TNKS: variants seen among roughly 807,000 people sequenced by gnomAD.
TNKS encodes tankyrase, also known as poly [ADP-ribose] polymerase tankyrase-1.
Under a neutral mutation model 135.8 loss-of-function variants are expected in TNKS, and 72 were observed. The ratio of observed to expected loss-of-function variants is 0.53; its 90% CI spans 0.44 to 0.64. TNKS has a LOEUF of 0.64. Ranked by LOEUF, TNKS falls within the 30% of genes least tolerant of loss-of-function variation. The probability of loss-of-function intolerance (pLI) is 0.00; values close to 1 mark genes in which losing one functional copy is unlikely to be tolerated. For missense variants in TNKS, 1,769 were observed against 1,674.0 expected (o/e 1.06, Z -0.99); for synonymous variants, 849 against 649.3 (o/e 1.31, Z -4.68).
chr8:9,774,643 T>G (rs933772525), intron 26 of TNKS, among the ~76,000 whole-genome samples: 1 of 152,162 alleles, frequency 6.6e-6, no homozygotes, highest in African/African-American at 2.4e-5. Context: ...GATTAATTAG[T>G]AACTTAAAGG....
At chr8:9,614,851 C>T (rs1799581225) in intron 2 of TNKS, among the ~76,000 whole-genome samples, 1 of 152,148 alleles carries the variant, frequency 6.6e-6, no homozygotes, top group South Asian at 2.1e-4. Context: ...TTTACTTAAA[C>T]AGTGATTTTT....
rs553943677 is a variant in TNKS, at chr8:9,721,609, A to G, written c.1921+1064A>G. Among the ~76,000 whole-genome samples, 23 of 151,144 alleles carry G rather than the reference A, an allele frequency of 1.5e-4. No individual in the cohort carries two copies. The East Asian group carries it at 2.0e-3, about 13-fold the overall frequency. On this transcript the variant is annotated intron_variant, in intron 12 of 26. Coordinates refer to ENST00000310430, the MANE Select transcript of TNKS (RefSeq NM_003747.3). The stretch of plus-strand genomic sequence containing the variant: ...TCAGAAGTCCTGGTTACTTTTTTCT[A>G]CCTACAGTCTGGTAGTTCTTAACTC...
chr8:9,589,700 T>G (rs1410355430), intron 2 of TNKS, among the ~76,000 whole-genome samples: 1 of 152,220 alleles, frequency 6.6e-6, no homozygotes, highest in African/African-American at 2.4e-5. Flanking sequence ...GAGAGTAAAT[T>G]GATATAGCGG....
chr8:9,683,259 C>T (rs1241137034), intron 5 of TNKS, among the ~76,000 whole-genome samples: 1 of 151,866 alleles, frequency 6.6e-6, no homozygotes, highest in Non-Finnish European at 1.5e-5. Flanking sequence ...TTATTTTCTT[C>T]CTGTTGTTAT....
chr8:9,572,853 C>G (rs1032288704), intron 1 of TNKS, among the ~76,000 whole-genome samples: 2 of 152,168 alleles, frequency 1.3e-5, no homozygotes, highest in African/African-American at 4.8e-5. Flanking sequence ...AATGGCAAGT[C>G]TGTTGGCCGG....
At chr8:9,713,346 T>G (rs865993536) in intron 11 of TNKS, among the ~76,000 whole-genome samples, 5 of 152,204 alleles carry the variant, frequency 3.3e-5, no homozygotes, top group African/African-American at 1.2e-4. Context: ...CTTGAAAAAT[T>G]AGGAATAATG....
chr8:9,654,359 G>C (rs34465863), intron 3 of TNKS, among the ~76,000 whole-genome samples: 65 of 129,440 alleles, frequency 5.0e-4, no homozygotes, highest in African/African-American at 1.8e-3. Flanking sequence ...ACTAAAAATC[G>C]AGTGTTTCTT....
In TNKS at chr8:9,720,446, C is replaced by T. The variant is rs1383232871; in HGVS notation, c.1822C>T (p.Arg608Cys). The T allele has an allele frequency of 6.2e-6, 10 of 1,613,988 alleles. No homozygotes were observed. Among genetic ancestry groups the T allele is most frequent in the African/African-American group, 1.3e-5 (1 of 74,922 alleles). The change falls in exon 12 of 27, where the codon CGC becomes TGC. Residue 608 changes from arginine to cysteine, a missense_variant. Arg to Cys is a radical substitution (Grantham distance 180, BLOSUM62 -3). Coordinates refer to ENST00000310430, the MANE Select transcript of TNKS (RefSeq NM_003747.3). ...CCTAGCAGGTCACCTGCAGACCTGCCGCCTCCTGCTGAGTTACGGCTCTGA... is the reference window on the plus strand; with the variant it reads ...CCTAGCAGGTCACCTGCAGACCTGCTGCCTCCTGCTGAGTTACGGCTCTGA... Reference protein sequence around the residue: ...AALAGHLQTCRLLLSYGSDPS... With the variant: ...AALAGHLQTCCLLLSYGSDPS...
At chr8:9,757,175 C>G (rs546848718) in intron 20 of TNKS, among the ~76,000 whole-genome samples, 9 of 152,210 alleles carry the variant, frequency 5.9e-5, no homozygotes, top group Admixed American at 2.0e-4. Context: ...TGGGGTTTCA[C>G]CATGTTGGTC....
intron 17 of TNKS, 142 bp downstream of exon 17, chr8:9,735,628 G>C (rs4841210): frequency 0.73 from 457,516 of 626,554 alleles, 168,672 homozygotes; most frequent in Admixed American, 0.83. Context: ...GTGAAACCCC[G>C]TCTCTACTAA....
At chr8:9,673,145 T>C (rs1197375660) in intron 3 of TNKS, among the ~76,000 whole-genome samples, 1 of 152,108 alleles carries the variant, frequency 6.6e-6, no homozygotes, top group Admixed American at 6.5e-5. Flanking sequence ...CAAGTACAAA[T>C]GATTGGAAAC....
intron 5 of TNKS, among the ~76,000 whole-genome samples, chr8:9,695,842 G>A (rs1004119387): frequency 4.6e-5 from 7 of 152,194 alleles, no homozygotes; most frequent in African/African-American, 1.7e-4. Flanking sequence ...AGATGGGAAT[G>A]AAGAAAGACT....
intron 26 of TNKS, among the ~76,000 whole-genome samples, chr8:9,774,906 A>AGT (rs138769465): frequency 0.01 from 1,547 of 152,296 alleles, 24 homozygotes; most frequent in African/African-American, 0.036. Flanking sequence ...GATAAAAGGA[A>AGT]GTAGGGGTGG....
At chr8:9,765,523 A>G (rs1241152211) in intron 23 of TNKS, among the ~76,000 whole-genome samples, 169 bp from the exon 24 acceptor site, 4 of 152,184 alleles carry the variant, frequency 2.6e-5, no homozygotes, top group Non-Finnish European at 5.9e-5. Context: ...TTATGTCACT[A>G]ACAGCTAGAG....
intron 2 of TNKS, among the ~76,000 whole-genome samples, chr8:9,614,019 C>A (rs139009849): frequency 6.6e-6 from 1 of 152,134 alleles, no homozygotes. Context: ...CTTCTGTTTT[C>A]TTCCCCTTTG....
intron 3 of TNKS, among the ~76,000 whole-genome samples, chr8:9,655,397 G>C (rs973652504): frequency 6.6e-6 from 1 of 152,264 alleles, no homozygotes; most frequent in Non-Finnish European, 1.5e-5. Flanking sequence ...GAGAGTAGTG[G>C]TTCTCCCAGC....
intron 15 of TNKS, among the ~76,000 whole-genome samples, 169 bp downstream of exon 15, chr8:9,733,613 C>T (rs927684766): frequency 1.3e-5 from 2 of 152,082 alleles, no homozygotes; most frequent in Admixed American, 6.5e-5. Flanking sequence ...CATAGCTTTG[C>T]GTAGTGCCTA....
rs79239690 is a variant in TNKS, at chr8:9,721,652, G to A, written c.1921+1107G>A. 4.6e-3 allele frequency among the ~76,000 whole-genome samples: 706 copies of A among 152,026 alleles called. 8 individuals carry two copies. The highest frequency in any genetic ancestry group is 0.015 in the African/African-American group (606 of 41,476). On this transcript the variant is annotated intron_variant, in intron 12 of 26. Coordinates refer to ENST00000310430, the MANE Select transcript of TNKS (RefSeq NM_003747.3). The stretch of plus-strand genomic sequence containing the variant: ...CTTAACTCTATCAGGTACAGTGCCC[G>A]CTTTTTATAAAGAATGTCTTATGAC...
rs73531222 is a variant in TNKS, at chr8:9,711,348, G to C, written c.1749+1128G>C. 2.9e-3 allele frequency among the ~76,000 whole-genome samples: 445 copies of C among 152,304 alleles called. 1 individual carries two copies. Among genetic ancestry groups the C allele is most frequent in the African/African-American group, 0.01 (416 of 41,566 alleles). On this transcript the variant is annotated intron_variant, in intron 11 of 26. Coordinates refer to ENST00000310430, the MANE Select transcript of TNKS (RefSeq NM_003747.3). ...TGGGACTTGTTAGTATCGAGGGATTGACAGTGGCAAACTCACTTGTTTGTT... is the reference window on the plus strand; with the variant it reads ...TGGGACTTGTTAGTATCGAGGGATTCACAGTGGCAAACTCACTTGTTTGTT...
Sources: allele counts gnomAD v4.1 joint callset (sites outside exome capture counted in the v4.1 genomes callset), GRCh38; gene constraint gnomAD v4.1.1; transcripts MANE v1.5; gene names NCBI Gene and HGNC (gene_info 2026-07-23, HGNC 2026-07-21).